SYNE3: variants seen among roughly 807,000 people sequenced by gnomAD.
The protein encoded by SYNE3 is spectrin repeat containing nuclear envelope family member 3.
In SYNE3, 100 loss-of-function variants were observed where a neutral mutation model predicts 111.2. That is an observed-to-expected ratio of 0.90 (90% CI 0.77 to 1.06). The LOEUF (loss-of-function observed/expected upper bound fraction) is 1.06. SYNE3 is among the 50% of genes least tolerant of loss of function. The pLI, the probability that SYNE3 is intolerant of heterozygous loss-of-function variation, is 0.00. For missense variants in SYNE3, 1,160 were observed against 1,240.3 expected, an observed-to-expected ratio of 0.94 and a Z score of 0.97; for synonymous variants, 547 against 533.9, an observed-to-expected ratio of 1.02 and a Z score of -0.34.
chr14:95,506,029 G>A (rs1347685909), intron 1 of SYNE3, among the ~76,000 whole-genome samples: 2 of 152,274 alleles, frequency 1.3e-5, no homozygotes, highest in African/African-American at 2.4e-5. Flanking sequence ...AGGTGGTTAT[G>A]AGAAGGCCAT....
intron 16 of SYNE3, among the ~76,000 whole-genome samples, chr14:95,432,764 C>T (rs944645727): frequency 6.6e-6 from 1 of 151,836 alleles, no homozygotes; most frequent in Non-Finnish European, 1.5e-5. Context: ...TGGGGCTGGA[C>T]CCCAGGGCTC....
Position 95,439,651 on chromosome 14 carries a change from G to A in SYNE3, c.2207C>T (p.Ser736Leu), listed in dbSNP as rs753564172. 3.1e-6 allele frequency: 5 copies of A among 1,613,478 alleles called. No homozygotes were observed. The highest frequency in any genetic ancestry group is 2.2e-5 in the East Asian group (1 of 44,860). ...TTCCAGCAGCCTCAAGGCCCGCCACGACTCTGCCAGCTCCCTGAGCTCCTC... is the reference window on the plus strand; with the variant it reads ...TTCCAGCAGCCTCAAGGCCCGCCACAACTCTGCCAGCTCCCTGAGCTCCTC... ...VQEELRELAE[S>L]WRALRLLEES... The change falls in exon 13 of 18, where the codon TCG becomes TTG. Residue 736 changes from serine to leucine, a missense_variant. Transcript: ENST00000682763.
intron 4 of SYNE3, among the ~76,000 whole-genome samples, chr14:95,462,808 T>C (rs999274838): frequency 2.4e-4 from 36 of 152,388 alleles, no homozygotes; most frequent in African/African-American, 8.2e-4. Context: ...TCAGCACCTC[T>C]GGCTTTTTCT....
At position 95,455,623 on chromosome 14, in the gene SYNE3, C is replaced by T. The variant is rs571129521; in HGVS notation, c.891G>A (p.Lys297=). 1 of 1,614,228 alleles carries T rather than the reference C, an allele frequency of 6.2e-7. No individual in the cohort carries two copies. The highest frequency in any genetic ancestry group is 1.1e-5 in the South Asian group (1 of 91,086). Residue 297 remains lysine, a synonymous_variant, in exon 6 of 18, where the codon AAG becomes AAA. Transcript: ENST00000682763. The stretch of plus-strand genomic sequence containing the variant: ...TCATCTCTTCCAGTTCTCCGGTGAT[C>T]TTCTCTGCACCCAAAGGAGAGGTGT... ...IRNTSPLGAE[K]ITGELEEMRK... is the part of the protein sequence containing the mutation.
At chr14:95,439,564 A>G in intron 13 of SYNE3, 48 bp downstream of exon 13, 1 of 1,596,812 alleles carries the variant, frequency 6.3e-7, no homozygotes, top group Non-Finnish European at 8.5e-7. Context: ...CCTGAGTGAG[A>G]AGGGGCAGTG....
At chr14:95,505,992 C>G (rs1351553741) in intron 1 of SYNE3, among the ~76,000 whole-genome samples, 1 of 152,158 alleles carries the variant, frequency 6.6e-6, no homozygotes, top group Non-Finnish European at 1.5e-5. Context: ...AGAGATCTCT[C>G]TAACTCATTG....
At chr14:95,503,633 T>C (rs1031813211) in intron 1 of SYNE3, among the ~76,000 whole-genome samples, 11 of 148,200 alleles carry the variant, frequency 7.4e-5, no homozygotes, top group African/African-American at 2.0e-4. Flanking sequence ...TTTTTTTTTT[T>C]TTTTGAGACA....
In SYNE3 at chr14:95,407,307, G is replaced by A. The variant is rs1903304363; in HGVS notation, c.*10519C>T. ...AGAGATTTTTATTTCCAAACACAAA[G>A]CAGATACATTTTTAAAAACATAAAA... On this transcript the variant is annotated 3_prime_UTR_variant, in exon 18 of 18. Transcript: ENST00000682763. The A allele has an allele frequency of 6.6e-6, 1 of 152,116 alleles. No homozygotes were observed. The highest frequency in any genetic ancestry group is 2.1e-4 in the South Asian group (1 of 4,824). The allele number at this position is 152,116 out of a possible 1,614,324, so 9.4% of individuals were successfully genotyped here.
chr14:95,463,054 G>T (rs957032891), intron 4 of SYNE3, among the ~76,000 whole-genome samples: 11 of 152,152 alleles, frequency 7.2e-5, no homozygotes, highest in African/African-American at 2.7e-4. Flanking sequence ...TACTCGGGAG[G>T]CTGAGGCAGG....
intron 17 of SYNE3, among the ~76,000 whole-genome samples, chr14:95,425,092 A>AG (rs1229887952): frequency 6.6e-6 from 1 of 152,024 alleles, no homozygotes; most frequent in African/African-American, 2.4e-5. Context: ...ATACAAAAAA[A>AG]CAAATTAGCC....
At chr14:95,504,600 C>A (rs956116634) in intron 1 of SYNE3, among the ~76,000 whole-genome samples, 2 of 152,222 alleles carry the variant, frequency 1.3e-5, no homozygotes, top group Non-Finnish European at 2.9e-5. Context: ...AACCATCTCC[C>A]CACATCCTCC....
In SYNE3 at chr14:95,409,429, TC is replaced by T. The variant is rs1410859264; in HGVS notation, c.*8396del. The stretch of plus-strand genomic sequence containing the variant: ...TGCTGGGGATGGGCTGGCCTGGTGT[TC>T]CTGGTTGCTGAGCTCAGAAGCAAGC... On this transcript the variant is annotated 3_prime_UTR_variant, in exon 18 of 18. Coordinates refer to ENST00000682763, the MANE Select transcript of SYNE3 (RefSeq NM_152592.6). 2.2e-6 allele frequency: 1 copy of T among 454,576 alleles called. No individual in the cohort carries two copies. Among genetic ancestry groups the T allele is most frequent in the African/African-American group, 2.0e-5 (1 of 49,894 alleles). 28.2% of individuals were successfully genotyped at this position (454,576 alleles called of 1,614,324 possible). A position where few individuals can be genotyped will look rare whatever the true frequency, so the allele number is the denominator to read the frequency against.
chr14:95,455,466 C>G lies in SYNE3; in HGVS notation c.1048G>C (p.Val350Leu). Residue 350 changes from valine to leucine, a missense_variant, in exon 6 of 18, where the codon GTC (valine) becomes CTC (leucine). By Grantham distance (32) the Val-to-Leu change is conservative (BLOSUM62 1). Coordinates refer to ENST00000682763, the MANE Select transcript of SYNE3 (RefSeq NM_152592.6). The stretch of plus-strand genomic sequence containing the variant: ...CCCTCCTGGGCCAGCCTCTGCAGGA[C>G]CATCCTGAACTCACTGAGCTCAGCC... ...LEAELSEFRM[V>L]LQRLAQEGLQ... 1.2e-6 allele frequency: 2 copies of G among 1,612,774 alleles called. No homozygotes were observed. The highest frequency in any genetic ancestry group is 1.7e-6 in the Non-Finnish European group (2 of 1,179,536).
rs1889483732 is a variant in SYNE3, at chr14:95,485,261, A to C, written c.-14-9426T>G. ...AAGAACCCCTGCCCTTCTTGCCTCA[A>C]CTGCATCAGTCACTTCTGTTTCTGA... is the stretch of plus-strand genomic sequence containing the variant. On this transcript the variant is annotated intron_variant, in intron 1 of 17. Coordinates refer to ENST00000682763, the MANE Select transcript of SYNE3 (RefSeq NM_152592.6). This position sits in a 1 kb window ranked among gnomAD's most constrained non-coding sequence, Gnocchi z 4.3. 1.3e-5 allele frequency among the ~76,000 whole-genome samples: 2 copies of C among 152,122 alleles called. No individual in the cohort carries two copies. The highest frequency in any genetic ancestry group is 2.9e-5 in the Non-Finnish European group (2 of 67,998).
chr14:95,475,935 A>C, intron 1 of SYNE3, 100 bp from the exon 2 acceptor site: 1 of 1,190,152 alleles, frequency 8.4e-7, no homozygotes, highest in Non-Finnish European at 1.1e-6. Flanking sequence ...CCCACCACCA[A>C]CCCTCCCCTG....
chr14:95,502,703 C>T (rs939205373), intron 1 of SYNE3, among the ~76,000 whole-genome samples: 1 of 152,190 alleles, frequency 6.6e-6, no homozygotes, highest in African/African-American at 2.4e-5. Context: ...AGGAACTCAC[C>T]TCTGGCATTC....
chr14:95,421,780 A>C (rs1219873095), intron 17 of SYNE3, among the ~76,000 whole-genome samples: 1 of 152,160 alleles, frequency 6.6e-6, no homozygotes, highest in Non-Finnish European at 1.5e-5. Context: ...TGCCCTCCTT[A>C]AACGCTATCT....
At chr14:95,442,820 T>C (rs1311150424) in intron 11 of SYNE3, among the ~76,000 whole-genome samples, 4 of 152,236 alleles carry the variant, frequency 2.6e-5, no homozygotes, top group African/African-American at 9.6e-5. Flanking sequence ...TTTTGCCGCT[T>C]GGCCCTAATC....
intron 1 of SYNE3, among the ~76,000 whole-genome samples, chr14:95,478,899 A>G (rs1041088696): frequency 3.3e-5 from 5 of 152,172 alleles, no homozygotes; most frequent in Non-Finnish European, 5.9e-5. Context: ...AAAGCCCAGC[A>G]GGCAGCAAAG....
Sources: gnomAD v4.1 joint callset for allele counts (sites outside exome capture counted in the v4.1 genomes callset) on GRCh38, gnomAD v4.1.1 for gene constraint, Gnocchi (gnomAD v3.1) non-coding constraint, MANE v1.5 for transcripts, NCBI Gene and HGNC (gene_info 2026-07-23, HGNC 2026-07-21) for gene names.